Variants in MYO9B observed in about 807,000 individuals in gnomAD.
MYO9B encodes unconventional myosin-IXb.
In MYO9B, 71 loss-of-function variants were observed where a neutral mutation model predicts 229.5. That is an observed-to-expected ratio of 0.31 (90% CI 0.26 to 0.38). MYO9B has a LOEUF of 0.38. Ranked by LOEUF, MYO9B falls within the 10% of genes least tolerant of loss-of-function variation. The probability of loss-of-function intolerance (pLI) is 1.00; values close to 1 mark genes in which losing one functional copy is unlikely to be tolerated. For missense variants in MYO9B, 2,255 were observed against 2,920.5 expected (o/e 0.77, Z 5.25); for synonymous variants, 1,185 against 1,235.8 (o/e 0.96, Z 0.86).
intron 20 of MYO9B, 109 bp downstream of exon 20, chr19:17,191,328 T>G (rs775581270): frequency 1.1e-5 from 15 of 1,339,798 alleles, no homozygotes; most frequent in Non-Finnish European, 1.5e-5. Context: ...CAGGGCTCTG[T>G]CTAGGAAATG....
intron 2 of MYO9B, among the ~76,000 whole-genome samples, chr19:17,112,781 A>G (rs1308462447): frequency 6.6e-6 from 1 of 152,212 alleles, no homozygotes; most frequent in Non-Finnish European, 1.5e-5. Flanking sequence ...CGCATGACCC[A>G]GTCAGAGAGG....
At position 17,185,146 on chromosome 19, in the gene MYO9B, C is replaced by T. The variant is rs544503210; in HGVS notation, c.2496+159C>T. On this transcript the variant is annotated intron_variant, in intron 17 of 39. Transcript: ENST00000682292. The stretch of plus-strand genomic sequence containing the variant: ...ATCCCAGCACTTTGGGAGGCCGAGG[C>T]GGGCGGATCACGAGGTCAGGAGATT... Among the ~76,000 whole-genome samples, 11 of 152,192 alleles carry T rather than the reference C, an allele frequency of 7.2e-5. No homozygotes were observed. The Middle Eastern group carries it at 0.01, about 141-fold the overall frequency.
intron 2 of MYO9B, among the ~76,000 whole-genome samples, chr19:17,143,749 C>T (rs1428382963): frequency 3.3e-5 from 5 of 152,090 alleles, no homozygotes; most frequent in African/African-American, 4.8e-5. Context: ...GGTGAAACCC[C>T]GTCTCTACTA....
Position 17,194,549 on chromosome 19 carries a change from A to G in MYO9B, c.3129-7A>G. 4 of 1,610,952 alleles carry G rather than the reference A, an allele frequency of 2.5e-6. No individual in the cohort carries two copies. The highest frequency in any genetic ancestry group is 3.4e-6 in the Non-Finnish European group (4 of 1,179,272). ...TGAACCAGCTGTCTGCTTTTTCCTC[A>G]CTCCAGCTTCAGCCAGATGATCTCG... On this transcript the variant is annotated splice_polypyrimidine_tract_variant and splice_region_variant and intron_variant, in intron 21 of 39. Coordinates refer to ENST00000682292, the MANE Select transcript of MYO9B (RefSeq NM_004145.4).
At chr19:17,207,268 G>A in intron 35 of MYO9B, 24 bp downstream of exon 35, 1 of 1,583,754 alleles carries the variant, frequency 6.3e-7, no homozygotes, top group South Asian at 1.2e-5. Flanking sequence ...CTGCCCCGGA[G>A]GCATGCTCAG....
chr19:17,078,976 G>A (rs1379281), intron 1 of MYO9B, among the ~76,000 whole-genome samples: 54,485 of 152,018 alleles, frequency 0.36, 10,538 homozygotes, highest in African/African-American at 0.48. Flanking sequence ...TTTCTCACCC[G>A]CATCACCATT....
Position 17,195,367 on chromosome 19 carries a change from C to T in MYO9B, c.3940C>T (p.Arg1314Trp), listed in dbSNP as rs529914298. ...GCTGGCCAGCGCCGTGGAACTGTGG[C>T]GGGGCAAGAAGCTGGTGGCCGCCGC... ...ERLASAVELWRGKKLVAAASP... is the reference protein window; with the variant it reads ...ERLASAVELWWGKKLVAAASP... Residue 1314 changes from arginine to tryptophan, a missense_variant, in exon 22 of 40, where the codon CGG becomes TGG. Arg to Trp is a moderately radical substitution (Grantham distance 101). This residue lies in a region of MYO9B where 679 missense variants were observed against 770.2 expected (regional missense o/e 0.88). Coordinates refer to ENST00000682292, the MANE Select transcript of MYO9B (RefSeq NM_004145.4). The surrounding 1 kb of genome is among the most constrained non-coding windows in gnomAD (Gnocchi z 4.5). The T allele has an allele frequency of 5.2e-5, 83 of 1,611,320 alleles. No individual in the cohort carries two copies. The highest frequency in any genetic ancestry group is 2.4e-4 in the African/African-American group (18 of 75,046).
intron 1 of MYO9B, among the ~76,000 whole-genome samples, chr19:17,089,753 G>A (rs79883170): frequency 0.019 from 2,931 of 152,180 alleles, 95 homozygotes; most frequent in African/African-American, 0.065. Flanking sequence ...TTTTTGCACC[G>A]CTCCGTTTTT....
chr19:17,195,015 G>A lies in MYO9B; in HGVS notation c.3588G>A (p.Glu1196=). ...QGVSLLEDKK[E]SREDETLLVV... ...TGAGTCTCCTGGAAGACAAAAAGGA[G>A]AGCAGAGAAGATGAAACCCTTCTAG... The change falls in exon 22 of 40, where the codon GAG becomes GAA. Residue 1196 remains glutamate, a synonymous_variant. Coordinates refer to ENST00000682292, the MANE Select transcript of MYO9B (RefSeq NM_004145.4). The surrounding 1 kb of genome is among the most constrained non-coding windows in gnomAD (Gnocchi z 4.5). 6.2e-7 allele frequency: 1 copy of A among 1,613,172 alleles called. No individual in the cohort carries two copies. Among genetic ancestry groups the A allele is most frequent in the South Asian group, 1.1e-5 (1 of 91,078 alleles).
intron 2 of MYO9B, among the ~76,000 whole-genome samples, chr19:17,108,246 G>A (rs567505325): frequency 3.5e-4 from 54 of 152,208 alleles, no homozygotes; most frequent in Non-Finnish European, 5.4e-4. Context: ...TAAGCCGCTC[G>A]AGGGTGGTGC....
At chr19:17,162,541 G>A (rs1027569225) in intron 9 of MYO9B, 75 bp downstream of exon 9, 18 of 1,264,638 alleles carry the variant, frequency 1.4e-5, no homozygotes, top group African/African-American at 5.9e-5. Flanking sequence ...CTTGGTGGGC[G>A]ACCTGGAACA....
chr19:17,190,426 G>A (rs935856291), intron 19 of MYO9B, among the ~76,000 whole-genome samples: 4 of 148,010 alleles, frequency 2.7e-5, no homozygotes, highest in African/African-American at 4.9e-5. Context: ...TCAGGAGTTC[G>A]ATACCAGCCT....
chr19:17,096,909 G>T (rs1349942301), intron 1 of MYO9B, among the ~76,000 whole-genome samples: 1 of 92,692 alleles, frequency 1.1e-5, no homozygotes, highest in Non-Finnish European at 2.2e-5. Context: ...GTTTCACCAT[G>T]GTCTCGATCT....
At chr19:17,186,026 A>C in intron 18 of MYO9B, 25 bp downstream of exon 18, 1 of 1,606,012 alleles carries the variant, frequency 6.2e-7, no homozygotes, top group Non-Finnish European at 8.5e-7. Flanking sequence ...GGTGTTTGGG[A>C]GGAGAAGGCC....
chr19:17,197,873 G>A lies in MYO9B; in HGVS notation c.4113+15G>A, dbSNP rs1481998813. ...CCAAGGCTCAGGTAACAACAACACG[G>A]CAAAACCCCGTCTCCACTAAAAATA... On this transcript the variant is annotated intron_variant, in intron 23 of 39. Transcript: ENST00000682292. 1 of 1,612,028 alleles carries A rather than the reference G, an allele frequency of 6.2e-7. No individual in the cohort carries two copies.
At chr19:17,090,951 A>G (rs1268714472) in intron 1 of MYO9B, among the ~76,000 whole-genome samples, 2 of 152,064 alleles carry the variant, frequency 1.3e-5, no homozygotes, top group African/African-American at 4.8e-5. Flanking sequence ...TGGGGCAGGG[A>G]TCTTAAGCCA....
intron 1 of MYO9B, among the ~76,000 whole-genome samples, chr19:17,089,792 T>G (rs1313022817): frequency 6.6e-6 from 1 of 152,170 alleles, no homozygotes; most frequent in African/African-American, 2.4e-5. Context: ...TTTATTGTAG[T>G]GAAATGCACA....
intron 2 of MYO9B, among the ~76,000 whole-genome samples, chr19:17,125,758 A>G (rs1044527520): frequency 6.6e-6 from 1 of 152,186 alleles, no homozygotes; most frequent in Non-Finnish European, 1.5e-5. Context: ...CCATCTGACC[A>G]GCAACCAGCT....
At position 17,153,973 on chromosome 19, in the gene MYO9B, C is replaced by T. The variant is rs1156516852; in HGVS notation, c.1005C>T (p.Tyr335=). ...TCCCAATTTTGACCTGTAGGAACTA[C>T]CATGTGTTTTATTATTTGTTACTTG... The part of the protein sequence containing the change: ...LVSQEKDERN[Y]HVFYYLLLGV... The change falls in exon 5 of 40, where the codon TAC becomes TAT. Residue 335 remains tyrosine (Y), a synonymous_variant. Coordinates refer to ENST00000682292, the MANE Select transcript of MYO9B (RefSeq NM_004145.4). 3 of 1,613,420 alleles carry T rather than the reference C, an allele frequency of 1.9e-6. No individual in the cohort carries two copies. The African/African-American group carries it at 4.0e-5, about 22-fold the overall frequency.
Sources: allele counts gnomAD v4.1 joint callset (sites outside exome capture counted in the v4.1 genomes callset), GRCh38; gene constraint gnomAD v4.1.1; regional missense constraint gnomAD v4.1.1; non-coding constraint Gnocchi (gnomAD v3.1); transcripts MANE v1.5; gene names NCBI Gene and HGNC (gene_info 2026-07-23, HGNC 2026-07-21).